KYNU: variants seen among roughly 807,000 people sequenced by gnomAD.
The protein encoded by KYNU is kynureninase.
KYNU carries 54 observed loss-of-function variants against 59.2 expected under a neutral mutation model. That is an observed-to-expected ratio of 0.91 (90% CI 0.73 to 1.14). The LOEUF (loss-of-function observed/expected upper bound fraction) is 1.14. Ranked by LOEUF, KYNU falls within the 50% of genes most tolerant of loss-of-function variation. KYNU has a pLI of 0.00. For synonymous variants in KYNU, 177 were observed against 192.0 expected (o/e 0.92, Z 0.65); for missense variants, 567 against 554.4 (o/e 1.02, Z -0.23).
At chr2:143,014,351 T>TGA (rs1686194345) in intron 10 of KYNU, among the ~76,000 whole-genome samples, 1 of 152,226 alleles carries the variant, frequency 6.6e-6, no homozygotes, top group South Asian at 2.1e-4. Flanking sequence ...ATGAATCTCA[T>TGA]CCTTTTCTGA....
intron 4 of KYNU, among the ~76,000 whole-genome samples, chr2:142,952,382 C>A (rs1158215660): frequency 6.6e-6 from 1 of 151,958 alleles, no homozygotes; most frequent in Non-Finnish European, 1.5e-5. Flanking sequence ...CAGCCTATAT[C>A]CAAATTTTCT....
intron 2 of KYNU, among the ~76,000 whole-genome samples, chr2:142,917,595 C>T (rs1682707414): frequency 1.3e-5 from 2 of 152,258 alleles, no homozygotes; most frequent in East Asian, 3.9e-4. Flanking sequence ...GGCCACTGTG[C>T]CTGGCTGACA....
At chr2:142,991,126 A>G (rs911006951) in intron 10 of KYNU, among the ~76,000 whole-genome samples, 1 of 151,964 alleles carries the variant, frequency 6.6e-6, no homozygotes, top group Non-Finnish European at 1.5e-5. Flanking sequence ...TACAGTTAAC[A>G]TTGTATGAAG....
Position 143,043,306 on chromosome 2 carries a change from T to A in KYNU, c.*1134T>A, listed in dbSNP as rs995643249. 2 of 151,994 alleles carry A rather than the reference T, an allele frequency of 1.3e-5. No individual in the cohort carries two copies. Among genetic ancestry groups the A allele is most frequent in the Non-Finnish European group, 2.9e-5 (2 of 67,944 alleles). The allele number at this position is 151,994 out of a possible 1,614,324, so 9.4% of individuals were successfully genotyped here. On this transcript the variant is annotated 3_prime_UTR_variant, in exon 14 of 14. Coordinates refer to ENST00000264170, the MANE Select transcript of KYNU (RefSeq NM_003937.3). Reference sequence around the variant, plus strand: ...CTTACCCACTGTGAAAAACCTAAAGTTACACTTAGCCCTGTTGGACTTACC... The same window carrying A: ...CTTACCCACTGTGAAAAACCTAAAGATACACTTAGCCCTGTTGGACTTACC...
chr2:143,018,328 G>T (rs990453448), intron 10 of KYNU, among the ~76,000 whole-genome samples: 1 of 152,134 alleles, frequency 6.6e-6, no homozygotes, highest in African/African-American at 2.4e-5. Context: ...TATGGTAAAA[G>T]GTAGGGGTCC....
At chr2:142,985,509 A>G (rs1026168062) in intron 9 of KYNU, among the ~76,000 whole-genome samples, 2 of 151,908 alleles carry the variant, frequency 1.3e-5, no homozygotes, top group African/African-American at 2.4e-5. Flanking sequence ...AAATTTCTGC[A>G]TATATAAAGA....
intron 2 of KYNU, among the ~76,000 whole-genome samples, chr2:142,899,635 A>G (rs1682003599): frequency 9.7e-6 from 1 of 102,738 alleles, no homozygotes; most frequent in Non-Finnish European, 1.9e-5. Context: ...TGTCATCAAC[A>G]TAGGAGCATG....
chr2:142,988,701 T>C (rs1403800684), intron 10 of KYNU: 3 of 715,872 alleles, frequency 4.2e-6, no homozygotes, highest in Non-Finnish European at 5.1e-6. Flanking sequence ...AAGGAAAACC[T>C]TGGTTGTTTT....
chr2:142,994,717 T>C (rs1685496895), intron 10 of KYNU, among the ~76,000 whole-genome samples: 1 of 152,100 alleles, frequency 6.6e-6, no homozygotes. Context: ...CCTGGGACAT[T>C]GTCCTGTTAA....
chr2:142,958,942 T>C (rs1455428712), intron 7 of KYNU, among the ~76,000 whole-genome samples: 2 of 152,148 alleles, frequency 1.3e-5, no homozygotes, highest in African/African-American at 4.8e-5. Context: ...TGCCAAGTTA[T>C]CAATTTTACT....
chr2:142,958,785 T>A (rs572929779), intron 7 of KYNU, among the ~76,000 whole-genome samples: 1 of 152,210 alleles, frequency 6.6e-6, no homozygotes, highest in Non-Finnish European at 1.5e-5. Flanking sequence ...TATCCTGTCG[T>A]TGAAAAATGT....
chr2:143,034,639 G>A (rs1168767514), intron 12 of KYNU, among the ~76,000 whole-genome samples: 1 of 152,146 alleles, frequency 6.6e-6, no homozygotes, highest in East Asian at 1.9e-4. Context: ...ACACAGTAAC[G>A]AGATTTTTCA....
rs777472994 is a variant in KYNU at position 142,885,466 on chromosome 2, A to T, written c.99A>T (p.Leu33=). The T allele has an allele frequency of 6.2e-7, 1 of 1,614,084 alleles. No individual in the cohort carries two copies. The highest frequency in any genetic ancestry group is 1.1e-5 in the South Asian group (1 of 91,086). Residue 33 remains leucine, a synonymous_variant, in exon 2 of 14, where the codon CTA becomes CTT. Coordinates refer to ENST00000264170, the MANE Select transcript of KYNU (RefSeq NM_003937.3). ...HPTDERVALH[L]DEEDKLRHFR... The stretch of plus-strand genomic sequence containing the variant: ...CGGATGAGAGGGTGGCTCTCCACCT[A>T]GATGAGGAAGATAAGCTGAGGCACT...
At position 143,055,830 on chromosome 2, in the gene KYNU, G is replaced by A. The variant is rs545063748; in HGVS notation, c.*13658G>A. The A allele has an allele frequency of 6.6e-6, 1 of 152,132 alleles. No homozygotes were observed. Among genetic ancestry groups the A allele is most frequent in the East Asian group, 1.9e-4 (1 of 5,198 alleles). 9.4% of individuals were successfully genotyped at this position (152,132 alleles called of 1,614,324 possible). A position where few individuals can be genotyped will look rare whatever the true frequency, so the allele number is the denominator to read the frequency against. ...GAAAATTTAATAAAAACAATGAACAGTGATGACTTCGGTGAGAATTTATGT... is the reference window on the plus strand; with the variant it reads ...GAAAATTTAATAAAAACAATGAACAATGATGACTTCGGTGAGAATTTATGT... On this transcript the variant is annotated 3_prime_UTR_variant, in exon 14 of 14. Coordinates refer to ENST00000264170, the MANE Select transcript of KYNU (RefSeq NM_003937.3).
chr2:142,887,903 G>T (rs1171950661), intron 2 of KYNU, among the ~76,000 whole-genome samples: 1 of 152,168 alleles, frequency 6.6e-6, no homozygotes. Context: ...AATTTTAGGT[G>T]CATTTTAGCA....
chr2:143,007,436 G>A (rs1685949238), intron 10 of KYNU, among the ~76,000 whole-genome samples: 1 of 138,960 alleles, frequency 7.2e-6, no homozygotes, highest in African/African-American at 2.8e-5. Context: ...TCTGATTGGT[G>A]TACCTGAAAG....
intron 13 of KYNU, among the ~76,000 whole-genome samples, chr2:143,041,316 C>T (rs933933090): frequency 6.6e-6 from 1 of 151,970 alleles, no homozygotes; most frequent in Non-Finnish European, 1.5e-5. Flanking sequence ...GGAGAGGTTA[C>T]TCCCAGATGC....
intron 10 of KYNU, among the ~76,000 whole-genome samples, chr2:142,998,219 C>A (rs1258743523): frequency 6.6e-6 from 1 of 152,090 alleles, no homozygotes; most frequent in Non-Finnish European, 1.5e-5. Context: ...GAGATTGTAT[C>A]TTAATTGTTA....
intron 7 of KYNU, among the ~76,000 whole-genome samples, chr2:142,959,245 A>C (rs1164421617): frequency 6.6e-6 from 1 of 152,206 alleles, no homozygotes; most frequent in East Asian, 1.9e-4. Flanking sequence ...CCCAAATATT[A>C]ACGTAATTAA....
Sources: allele counts gnomAD v4.1 joint callset (sites outside exome capture counted in the v4.1 genomes callset), GRCh38; gene constraint gnomAD v4.1.1; transcripts MANE v1.5; gene names NCBI Gene and HGNC (gene_info 2026-07-23, HGNC 2026-07-21).